Variants in ARHGAP42 observed in about 807,000 individuals in gnomAD.
ARHGAP42 encodes Rho GTPase activating protein 42.
ARHGAP42 carries 63 observed loss-of-function variants against 125.0 expected under a neutral mutation model. The ratio of observed to expected loss-of-function variants is 0.50; its 90% CI spans 0.41 to 0.62. The LOEUF (loss-of-function observed/expected upper bound fraction) is 0.62, where lower values mean the gene tolerates loss of function less well. ARHGAP42 is among the 20% of genes least tolerant of loss of function. ARHGAP42 has a pLI of 0.00. For missense variants in ARHGAP42, 766 were observed against 1,024.2 expected (o/e 0.75, Z 3.44); for synonymous variants, 339 against 351.0 (o/e 0.97, Z 0.38).
Position 100,992,694 on chromosome 11 carries a change from A to C in ARHGAP42, c.*3893A>C, listed in dbSNP as rs1858871801. ...AACGTTGGGAAAATGCAGGTTTATG[A>C]ATGATGTGGACTTTTAGAGGATCAA... On this transcript the variant is annotated 3_prime_UTR_variant, in exon 24 of 24. Transcript: ENST00000298815. 1 of 1,581,326 alleles carries C rather than the reference A, an allele frequency of 6.3e-7. No homozygotes were observed. The highest frequency in any genetic ancestry group is 8.6e-7 in the Non-Finnish European group (1 of 1,165,124).
At chr11:100,834,330 T>C (rs1325201875) in intron 3 of ARHGAP42, among the ~76,000 whole-genome samples, 1 of 152,196 alleles carries the variant, frequency 6.6e-6, no homozygotes, top group Non-Finnish European at 1.5e-5. Flanking sequence ...GGGTCATTTC[T>C]GATTAGTAGA....
chr11:100,697,393 A>G (rs997429432), intron 1 of ARHGAP42, among the ~76,000 whole-genome samples: 3 of 152,142 alleles, frequency 2.0e-5, no homozygotes, highest in African/African-American at 7.2e-5. Context: ...CGTGTTAGCC[A>G]GGATGGTCTC....
intron 3 of ARHGAP42, among the ~76,000 whole-genome samples, chr11:100,837,670 T>A (rs916858281): frequency 2.5e-5 from 2 of 80,286 alleles, no homozygotes; most frequent in Admixed American, 1.3e-4. Flanking sequence ...GTCATCCTTT[T>A]TTTTTTTTTT....
At chr11:100,827,602 G>A (rs1053636954) in intron 3 of ARHGAP42, among the ~76,000 whole-genome samples, 3 of 152,214 alleles carry the variant, frequency 2.0e-5, no homozygotes, top group African/African-American at 7.2e-5. Flanking sequence ...TCAGTATGAG[G>A]CTGTGGGGAA....
chr11:100,903,725 T>A (rs1484151930), intron 4 of ARHGAP42, among the ~76,000 whole-genome samples: 17,282 of 77,438 alleles, frequency 0.22, 2,305 homozygotes, highest in Middle Eastern at 0.29. Context: ...TATATATATA[T>A]ATATATATAT....
intron 1 of ARHGAP42, among the ~76,000 whole-genome samples, chr11:100,752,169 G>A (rs1180891434): frequency 1.3e-5 from 2 of 152,120 alleles, no homozygotes; most frequent in Non-Finnish European, 2.9e-5. Context: ...CCTGAACCTG[G>A]AGGGTGCTCC....
intron 4 of ARHGAP42, among the ~76,000 whole-genome samples, chr11:100,907,320 G>A (rs1215346692): frequency 6.6e-6 from 1 of 152,172 alleles, no homozygotes; most frequent in African/African-American, 2.4e-5. Context: ...TGCGTTATCT[G>A]TTTGCTTCTT....
chr11:100,866,282 T>G (rs967108458), intron 4 of ARHGAP42, among the ~76,000 whole-genome samples: 3 of 152,152 alleles, frequency 2.0e-5, no homozygotes, highest in Non-Finnish European at 4.4e-5. Context: ...TTGCAGGAAG[T>G]TCCTCCACTG....
chr11:100,909,386 C>T (rs1866848053), intron 4 of ARHGAP42, among the ~76,000 whole-genome samples: 1 of 142,878 alleles, frequency 7.0e-6, no homozygotes, highest in Non-Finnish European at 1.5e-5. Flanking sequence ...ACTCTTGTTG[C>T]CCAGGCTGGA....
At chr11:100,710,969 A>G (rs1261363082) in intron 1 of ARHGAP42, among the ~76,000 whole-genome samples, 1 of 152,196 alleles carries the variant, frequency 6.6e-6, no homozygotes, top group African/African-American at 2.4e-5. Context: ...GCATGTGTGC[A>G]TTAACATCCT....
chr11:100,914,581 C>T (rs1374149278), intron 5 of ARHGAP42, among the ~76,000 whole-genome samples: 2 of 152,104 alleles, frequency 1.3e-5, no homozygotes, highest in South Asian at 4.1e-4. Flanking sequence ...CTGGTGTACT[C>T]TGAAGTGAAC....
At chr11:100,725,421 G>A (rs962236327) in intron 1 of ARHGAP42, among the ~76,000 whole-genome samples, 12 of 151,530 alleles carry the variant, frequency 7.9e-5, no homozygotes, top group African/African-American at 2.9e-4. Context: ...TGCCCACCTC[G>A]GCCTTCCAAA....
chr11:100,881,761 G>A (rs1675245871), intron 4 of ARHGAP42, among the ~76,000 whole-genome samples: 1 of 152,152 alleles, frequency 6.6e-6, no homozygotes. Context: ...TTTCAGCAGT[G>A]TTGTAGTTTT....
intron 2 of ARHGAP42, among the ~76,000 whole-genome samples, chr11:100,774,290 C>T (rs866221495): frequency 2.6e-5 from 4 of 152,172 alleles, no homozygotes; most frequent in African/African-American, 9.7e-5. Flanking sequence ...GCATAAGGAT[C>T]ACGCTTGTCC....
At chr11:100,732,932 G>A (rs768081602) in intron 1 of ARHGAP42, among the ~76,000 whole-genome samples, 1 of 152,108 alleles carries the variant, frequency 6.6e-6, no homozygotes, top group Non-Finnish European at 1.5e-5. Context: ...GATTTAATAA[G>A]GACACATGTT....
At chr11:100,733,139 C>T (rs1861989336) in intron 1 of ARHGAP42, among the ~76,000 whole-genome samples, 1 of 152,194 alleles carries the variant, frequency 6.6e-6, no homozygotes, top group Non-Finnish European at 1.5e-5. Context: ...TGTAGTTCAG[C>T]TGCTAGATTC....
At chr11:100,984,179 G>A (rs925555705) in intron 22 of ARHGAP42, among the ~76,000 whole-genome samples, 1 of 151,322 alleles carries the variant, frequency 6.6e-6, no homozygotes, top group African/African-American at 2.4e-5. Context: ...AACAAATGCA[G>A]TGCTTATTGG....
chr11:100,940,197 C>G (rs1464958571), intron 8 of ARHGAP42, among the ~76,000 whole-genome samples: 1 of 152,000 alleles, frequency 6.6e-6, no homozygotes, highest in Non-Finnish European at 1.5e-5. Context: ...ATACCGAGGG[C>G]ATTATTATTA....
intron 6 of ARHGAP42, among the ~76,000 whole-genome samples, chr11:100,927,183 A>T (rs1179805372): frequency 2.0e-5 from 3 of 152,190 alleles, no homozygotes; most frequent in African/African-American, 7.2e-5. Flanking sequence ...AAAAAGCTTA[A>T]ATAATTTTGA....
Sources: allele counts gnomAD v4.1 joint callset (sites outside exome capture counted in the v4.1 genomes callset), GRCh38; gene constraint gnomAD v4.1.1; transcripts MANE v1.5; gene names NCBI Gene and HGNC (gene_info 2026-07-23, HGNC 2026-07-21).